The following TMEM196 variants were observed in gnomAD, a reference collection of about 807,000 sequenced individuals.
TMEM196 encodes transmembrane protein 196.
In TMEM196, 17 loss-of-function variants were observed where a neutral mutation model predicts 20.0. The ratio of observed to expected loss-of-function variants is 0.85; its 90% CI spans 0.58 to 1.27. The LOEUF (loss-of-function observed/expected upper bound fraction) is 1.27, where lower values mean the gene tolerates loss of function less well. TMEM196 is among the 50% of genes most tolerant of loss of function. The pLI is 0.00. For synonymous variants in TMEM196, 113 were observed against 88.9 expected (o/e 1.27, Z -1.52); for missense variants, 267 against 223.0 (o/e 1.20, Z -1.26).
At chr7:19,767,848 C>T (rs1418791358) in intron 1 of TMEM196, among the ~76,000 whole-genome samples, 2 of 151,872 alleles carry the variant, frequency 1.3e-5, no homozygotes, top group Non-Finnish European at 2.9e-5. Context: ...TGAGAGGTTT[C>T]TTTCACTTTA....
chr7:19,734,643 G>A (rs1397094784), intron 1 of TMEM196, among the ~76,000 whole-genome samples: 1 of 152,188 alleles, frequency 6.6e-6, no homozygotes, highest in Non-Finnish European at 1.5e-5. Context: ...AAGGGGCTAT[G>A]AGGCAAAGGA....
In TMEM196 at chr7:19,720,758, T is replaced by C. The variant is rs1487097182; in HGVS notation, c.*1370A>G. The C allele has an allele frequency of 1.3e-5, 2 of 151,918 alleles. No homozygotes were observed. Among genetic ancestry groups the C allele is most frequent in the Non-Finnish European group, 2.9e-5 (2 of 67,820 alleles). 9.4% of individuals were successfully genotyped at this position (151,918 alleles called of 1,614,324 possible). A position where few individuals can be genotyped will look rare whatever the true frequency, so the allele number is the denominator to read the frequency against. ...TTCCTCAAAGAATTCTTTCAGGATC[T>C]TTGGATATAGGCTTTCTTATATATG... On this transcript the variant is annotated 3_prime_UTR_variant, in exon 5 of 5. Transcript: ENST00000405844.
chr7:19,758,114 T>C (rs1785290276), intron 1 of TMEM196, among the ~76,000 whole-genome samples: 2 of 152,292 alleles, frequency 1.3e-5, no homozygotes, highest in Non-Finnish European at 2.9e-5. Flanking sequence ...AAGTTTTGAA[T>C]GTTCACTGCT....
intron 1 of TMEM196, among the ~76,000 whole-genome samples, chr7:19,736,767 G>T (rs1167305138): frequency 6.6e-6 from 1 of 151,902 alleles, no homozygotes; most frequent in African/African-American, 2.4e-5. Context: ...GAGAAACATG[G>T]AGTCAATGTT....
At chr7:19,750,757 C>A (rs1007636524) in intron 1 of TMEM196, among the ~76,000 whole-genome samples, 1 of 151,576 alleles carries the variant, frequency 6.6e-6, no homozygotes, top group Admixed American at 6.6e-5. Flanking sequence ...AACATCATTC[C>A]TTCAGAAATA....
At chr7:19,741,859 C>T (rs1784591759) in intron 1 of TMEM196, among the ~76,000 whole-genome samples, 1 of 152,172 alleles carries the variant, frequency 6.6e-6, no homozygotes, top group South Asian at 2.1e-4. Flanking sequence ...TTCTCTCAAA[C>T]ACCAGGTTTG....
chr7:19,770,838 C>T (rs539211762), intron 1 of TMEM196, among the ~76,000 whole-genome samples: 35 of 151,986 alleles, frequency 2.3e-4, no homozygotes, highest in Admixed American at 4.6e-4. Context: ...TCATTTTTTT[C>T]TTACATGATA....
At position 19,773,381 on chromosome 7, in the gene TMEM196, C is replaced by G. The variant is rs1266522948; in HGVS notation, c.-685G>C. ...GTCTGGGTTTCTTCTCCCTCGTCGTCGTCCTCTTCCTCCTCCTTTCTCTCG... is the reference window on the plus strand; with the variant it reads ...GTCTGGGTTTCTTCTCCCTCGTCGTGGTCCTCTTCCTCCTCCTTTCTCTCG... On this transcript the variant is annotated 5_prime_UTR_variant, in exon 1 of 5. Coordinates refer to ENST00000405844, the MANE Select transcript of TMEM196 (RefSeq NM_001363562.2). 6.3e-6 allele frequency: 1 copy of G among 158,468 alleles called. No individual in the cohort carries two copies. The highest frequency in any genetic ancestry group is 1.5e-5 in the Non-Finnish European group (1 of 68,626). The allele number at this position is 158,468 out of a possible 1,614,324, so 9.8% of individuals were successfully genotyped here.
intron 1 of TMEM196, among the ~76,000 whole-genome samples, chr7:19,769,698 T>TG (rs1785782908): frequency 6.6e-6 from 1 of 151,150 alleles, no homozygotes; most frequent in Admixed American, 6.6e-5. Flanking sequence ...TGAAAATATT[T>TG]GGGAAAAAAA....
chr7:19,769,902 G>A (rs1013450399), intron 1 of TMEM196, among the ~76,000 whole-genome samples: 7 of 152,102 alleles, frequency 4.6e-5, no homozygotes, highest in African/African-American at 1.7e-4. Context: ...AACCAGGAGT[G>A]CCCTGGAACC....
In TMEM196 at chr7:19,725,559, T is replaced by C; in HGVS notation, c.414A>G (p.Ser138=). 6 of 1,613,602 alleles carry C rather than the reference T, an allele frequency of 3.7e-6. No homozygotes were observed. The highest frequency in any genetic ancestry group is 1.1e-5 in the South Asian group (1 of 91,068). ...AGTGATGCAGGGAATGCTCCCTTTC[T>C]GAGAACATCCTCCTCTGTTCATAAC... The part of the protein sequence containing the change: ...LASYEQRRMF[S]EREHSLHHSH... Residue 138 remains serine, a synonymous_variant, in exon 3 of 5, where the codon TCA becomes TCG. Coordinates refer to ENST00000405844, the MANE Select transcript of TMEM196 (RefSeq NM_001363562.2).
At chr7:19,739,289 G>A (rs1267768954) in intron 1 of TMEM196, among the ~76,000 whole-genome samples, 3 of 152,076 alleles carry the variant, frequency 2.0e-5, no homozygotes, top group Non-Finnish European at 4.4e-5. Flanking sequence ...ATATTAGAAA[G>A]CAGTAATATT....
At chr7:19,732,109 G>A (rs1301011000) in intron 1 of TMEM196, among the ~76,000 whole-genome samples, 2 of 152,142 alleles carry the variant, frequency 1.3e-5, no homozygotes, top group Non-Finnish European at 2.9e-5. Context: ...TTTACCACAA[G>A]TCATAATACT....
At chr7:19,723,965 T>C (rs115675464) in intron 4 of TMEM196, among the ~76,000 whole-genome samples, 1 of 151,812 alleles carries the variant, frequency 6.6e-6, no homozygotes, top group African/African-American at 2.4e-5. Context: ...CTCTGGCCCA[T>C]GAATGATTAT....
chr7:19,737,319 A>G (rs937165981), intron 1 of TMEM196, among the ~76,000 whole-genome samples: 8 of 152,056 alleles, frequency 5.3e-5, no homozygotes, highest in Admixed American at 2.0e-4. Context: ...GATGTTATCA[A>G]TTGCTTGCGA....
intron 1 of TMEM196, among the ~76,000 whole-genome samples, chr7:19,741,553 A>G (rs1465509520): frequency 1.3e-5 from 2 of 152,176 alleles, no homozygotes; most frequent in Non-Finnish European, 2.9e-5. Context: ...GAATGGTAGC[A>G]TTTGAAAATA....
At position 19,772,297 on chromosome 7, in the gene TMEM196, C is replaced by T. The variant is rs1361079849; in HGVS notation, c.147+253G>A. On this transcript the variant is annotated intron_variant, in intron 1 of 4. Coordinates refer to ENST00000405844, the MANE Select transcript of TMEM196 (RefSeq NM_001363562.2). ...AGTGGAAACTAACCCCCCACCCCCA[C>T]CTTTAAACAAAGCCATTTAATTTGG... is the stretch of plus-strand genomic sequence containing the variant. Among the ~76,000 whole-genome samples the T allele has an allele frequency of 2.7e-5, 4 of 148,268 alleles. No individual in the cohort carries two copies. The Admixed American group carries it at 2.7e-4, about 10-fold the overall frequency.
intron 1 of TMEM196, among the ~76,000 whole-genome samples, chr7:19,767,669 A>C (rs1785690896): frequency 6.6e-6 from 1 of 151,976 alleles, no homozygotes; most frequent in South Asian, 2.1e-4. Context: ...TTAATTTTAA[A>C]ATGGGCCATA....
rs3030522 is a variant in TMEM196 at position 19,772,339 on chromosome 7, GAAACA to G, written c.147+206_147+210del. Among the ~76,000 whole-genome samples, 705 of 138,538 alleles carry G rather than the reference GAAACA, an allele frequency of 5.1e-3. 5 individuals are homozygous for G. The highest frequency in any genetic ancestry group is 0.017 in the African/African-American group (634 of 36,950). The allele number at this position is 138,538 out of a possible 152,430, so 90.9% of individuals were successfully genotyped here. On this transcript the variant is annotated intron_variant, in intron 1 of 4. Coordinates refer to ENST00000405844, the MANE Select transcript of TMEM196 (RefSeq NM_001363562.2). ...TTAATTTGGTCTTAAGCCCAAGTAA[GAAACA>G]AAACAAAACAAAACAAAACAAAACA...
Sources: allele counts gnomAD v4.1 joint callset (sites outside exome capture counted in the v4.1 genomes callset), GRCh38; gene constraint gnomAD v4.1.1; transcripts MANE v1.5; gene names NCBI Gene and HGNC (gene_info 2026-07-23, HGNC 2026-07-21).